SLC25A13: variants seen among roughly 807,000 people sequenced by gnomAD.
SLC25A13 encodes the protein electrogenic aspartate/glutamate antiporter SLC25A13, mitochondrial.
SLC25A13 carries 70 observed loss-of-function variants against 85.5 expected under a neutral mutation model. The observed-to-expected ratio is 0.82, with a 90% CI of 0.68 to 1.00. The LOEUF is 1.00. Ranked by LOEUF, SLC25A13 falls within the 50% of genes least tolerant of loss-of-function variation. SLC25A13 has a pLI of 0.00. For synonymous variants in SLC25A13, 259 were observed against 288.7 expected (o/e 0.90, Z 1.04); for missense variants, 765 against 819.8 (o/e 0.93, Z 0.82).
rs578224692 is a variant in SLC25A13, at chr7:96,187,413, T to G, written c.933+1881A>C. Reference sequence around the variant, plus strand: ...AGCTTTACATAGAAATATGCCTCTTTAAGATACAAAACATTTCTTTTGCAA... The same window carrying G: ...AGCTTTACATAGAAATATGCCTCTTGAAGATACAAAACATTTCTTTTGCAA... On this transcript the variant is annotated intron_variant, in intron 9 of 17. Coordinates refer to ENST00000265631, the MANE Select transcript of SLC25A13 (RefSeq NM_014251.3). Among the ~76,000 whole-genome samples, 9 of 152,338 alleles carry G rather than the reference T, an allele frequency of 5.9e-5. No homozygotes were observed. The South Asian group carries it at 1.9e-3, about 32-fold the overall frequency.
intron 7 of SLC25A13, among the ~76,000 whole-genome samples, chr7:96,190,859 C>T (rs1417231196): frequency 6.6e-6 from 1 of 152,178 alleles, no homozygotes; most frequent in Non-Finnish European, 1.5e-5. Context: ...GTGATCCACC[C>T]ACCTCGGCCT....
chr7:96,183,479 C>T (rs558974386), intron 11 of SLC25A13, among the ~76,000 whole-genome samples: 6 of 152,212 alleles, frequency 3.9e-5, no homozygotes, highest in African/African-American at 9.6e-5. Context: ...CCAGCTTTGC[C>T]GCTGCCAAAT....
chr7:96,121,450 A>C, intron 17 of SLC25A13, 73 bp from the exon 18 acceptor site: 2 of 1,547,696 alleles, frequency 1.3e-6, no homozygotes, highest in Non-Finnish European at 1.8e-6. Flanking sequence ...AACATTCAAA[A>C]CCTGTTCAAA....
At position 96,192,621 on chromosome 7, in the gene SLC25A13, G is replaced by A. The variant is rs1262688635; in HGVS notation, c.615+416C>T. The stretch of plus-strand genomic sequence containing the variant: ...GGCCTCGACACATACACGGTGAAAG[G>A]GAATCTAAGGTTTGGAGTTTCTGTT... On this transcript the variant is annotated intron_variant, in intron 6 of 17. Coordinates refer to ENST00000265631, the MANE Select transcript of SLC25A13 (RefSeq NM_014251.3). Among the ~76,000 whole-genome samples, 4 of 151,862 alleles carry A rather than the reference G, an allele frequency of 2.6e-5. No individual in the cohort carries two copies. The East Asian group carries it at 7.8e-4, about 29-fold the overall frequency.
At chr7:96,128,939 G>GCTCTCTCTCTCTCTCT (rs58984088) in intron 15 of SLC25A13, among the ~76,000 whole-genome samples, 925 of 81,848 alleles carry the variant, frequency 0.011, 137 homozygotes, top group Non-Finnish European at 0.015. Context: ...TGCCTTGCTT[G>GCTCTCTCTCTCTCTCT]CTCTCTCTCT....
At chr7:96,271,346 C>T (rs1333461294) in intron 3 of SLC25A13, among the ~76,000 whole-genome samples, 1 of 152,036 alleles carries the variant, frequency 6.6e-6, no homozygotes, top group Non-Finnish European at 1.5e-5. Flanking sequence ...TTACTACACG[C>T]CAACTAGAAA....
chr7:96,267,789 A>C (rs1271617536), intron 3 of SLC25A13, among the ~76,000 whole-genome samples: 2 of 143,808 alleles, frequency 1.4e-5, no homozygotes, highest in Non-Finnish European at 3.1e-5. Context: ...CTCCAGCCTG[A>C]GACTCTGTCT....
At chr7:96,139,883 T>C (rs977978600) in intron 14 of SLC25A13, among the ~76,000 whole-genome samples, 18 of 152,202 alleles carry the variant, frequency 1.2e-4, no homozygotes, top group Admixed American at 1.2e-3. Context: ...TCATAGCTTG[T>C]CTATTGTAAT....
At chr7:96,214,699 G>A (rs1319884072) in intron 4 of SLC25A13, among the ~76,000 whole-genome samples, 1 of 151,830 alleles carries the variant, frequency 6.6e-6, no homozygotes, top group African/African-American at 2.4e-5. Flanking sequence ...CTCCAGCCTG[G>A]GTGACAGGGC....
At position 96,322,039 on chromosome 7, in the gene SLC25A13, C is replaced by T. The variant is rs1258961213; in HGVS notation, c.-83G>A. The T allele has an allele frequency of 3.5e-6, 5 of 1,431,510 alleles. No homozygotes were observed. Among genetic ancestry groups the T allele is most frequent in the Admixed American group, 2.2e-5 (1 of 44,672 alleles). The allele number at this position is 1,431,510 out of a possible 1,614,324, so 88.7% of individuals were successfully genotyped here. ...GACCCGGGCGGCTCACTTCTAGTCC[C>T]GGCGGCGGCGGCGGTGGGGGCGGCG... On this transcript the variant is annotated 5_prime_UTR_variant, in exon 1 of 18. Transcript: ENST00000265631.
intron 2 of SLC25A13, among the ~76,000 whole-genome samples, chr7:96,288,466 C>T (rs536921611): frequency 2.6e-5 from 4 of 152,278 alleles, no homozygotes; most frequent in South Asian, 4.1e-4. Flanking sequence ...CGAAGCAGGG[C>T]GAGGCATCGC....
At chr7:96,214,177 A>G (rs1331061195) in intron 4 of SLC25A13, among the ~76,000 whole-genome samples, 1 of 152,174 alleles carries the variant, frequency 6.6e-6, no homozygotes, top group Non-Finnish European at 1.5e-5. Context: ...TTACTTCCTA[A>G]AGATAACCTC....
chr7:96,272,020 G>C (rs1297556346), intron 3 of SLC25A13, among the ~76,000 whole-genome samples: 1 of 152,068 alleles, frequency 6.6e-6, no homozygotes, highest in Admixed American at 6.6e-5. Flanking sequence ...CGAGTAGCTA[G>C]GATTACAGGT....
At chr7:96,156,553 A>G (rs2116520551) in intron 13 of SLC25A13, among the ~76,000 whole-genome samples, 1 of 152,060 alleles carries the variant, frequency 6.6e-6, no homozygotes, top group South Asian at 2.1e-4. Context: ...CCAGGTTCAC[A>G]GCATTCTCCT....
chr7:96,204,974 T>C (rs1795403621), intron 5 of SLC25A13, among the ~76,000 whole-genome samples: 1 of 152,300 alleles, frequency 6.6e-6, no homozygotes, highest in African/African-American at 2.4e-5. Flanking sequence ...AGTGGCCTGA[T>C]CTCAGCTCAC....
Position 96,200,409 on chromosome 7 carries a change from C to T in SLC25A13, c.469-7226G>A, listed in dbSNP as rs556420384. Among the ~76,000 whole-genome samples, 203 of 152,272 alleles carry T rather than the reference C, an allele frequency of 1.3e-3. 4 individuals are homozygous for T. In the South Asian group the frequency reaches 0.027, roughly 20 times the overall value. On this transcript the variant is annotated intron_variant, in intron 5 of 17. Coordinates refer to ENST00000265631, the MANE Select transcript of SLC25A13 (RefSeq NM_014251.3). ...ATCCACTTTATTTTCATAATCTATG[C>T]TAATTTGAAGAAAAACATTCTAATT...
At chr7:96,313,808 G>A (rs1800034394) in intron 1 of SLC25A13, among the ~76,000 whole-genome samples, 1 of 146,002 alleles carries the variant, frequency 6.8e-6, no homozygotes, top group South Asian at 2.2e-4. Flanking sequence ...AAAAAAGAAA[G>A]TAAGACCCTT....
intron 4 of SLC25A13, among the ~76,000 whole-genome samples, chr7:96,220,245 G>C (rs1262640025): frequency 6.6e-6 from 1 of 152,132 alleles, no homozygotes. Flanking sequence ...TCCTAAGCTA[G>C]TTTCCTTAGA....
At chr7:96,183,884 T>C (rs1254671204) in intron 11 of SLC25A13, among the ~76,000 whole-genome samples, 1 of 152,186 alleles carries the variant, frequency 6.6e-6, no homozygotes, top group Non-Finnish European at 1.5e-5. Flanking sequence ...CTTCGTTATC[T>C]TTTTTGTGGT....
Sources: gnomAD v4.1 joint callset for allele counts (sites outside exome capture counted in the v4.1 genomes callset) on GRCh38, gnomAD v4.1.1 for gene constraint, MANE v1.5 for transcripts, NCBI Gene and HGNC (gene_info 2026-07-23, HGNC 2026-07-21) for gene names.